The following MIER3 variants were observed in gnomAD, a reference collection of about 807,000 sequenced individuals.
The protein encoded by MIER3 is MIER family member 3, also known as mesoderm induction early response protein 3.
A neutral mutation model predicts 63.2 loss-of-function variants in MIER3; 9 were observed. The ratio of observed to expected loss-of-function variants is 0.14; its 90% CI spans 0.09 to 0.25. MIER3 has a LOEUF of 0.25. MIER3 is among the 10% of genes least tolerant of loss of function. The probability of loss-of-function intolerance (pLI) is 1.00; values close to 1 mark genes in which losing one functional copy is unlikely to be tolerated. For synonymous variants in MIER3, 205 were observed against 224.9 expected (o/e 0.91, Z 0.79); for missense variants, 512 against 666.2 (o/e 0.77, Z 2.55).
chr5:56,943,065 A>C (rs1162785916), intron 3 of MIER3, among the ~76,000 whole-genome samples: 1 of 152,134 alleles, frequency 6.6e-6, no homozygotes, highest in African/African-American at 2.4e-5. Context: ...AAAACTGCTT[A>C]AGCCCAGGAG....
Position 56,923,060 on chromosome 5 carries a change from A to G in MIER3, c.*68T>C. 1 of 1,368,900 alleles carries G rather than the reference A, an allele frequency of 7.3e-7. No homozygotes were observed. Among genetic ancestry groups the G allele is most frequent in the Non-Finnish European group, 1.0e-6 (1 of 983,456 alleles). 84.8% of individuals were successfully genotyped at this position (1,368,900 alleles called of 1,614,324 possible). ...AGGTTCAAACTTCCAGTGAAAGACT[A>G]TGCAAACCTGATAGCTCCCCTCAAG... is the stretch of plus-strand genomic sequence containing the variant. On this transcript the variant is annotated 3_prime_UTR_variant, in exon 13 of 13. Coordinates refer to ENST00000381199, the MANE Select transcript of MIER3 (RefSeq NM_001297599.2).
rs1749624279 is a variant in MIER3 at position 56,920,573 on chromosome 5, A to G, written c.*2555T>C. On this transcript the variant is annotated 3_prime_UTR_variant, in exon 13 of 13. Coordinates refer to ENST00000381199, the MANE Select transcript of MIER3 (RefSeq NM_001297599.2). ...GGTTGTTTTCTTGCTTCCAAATGCA[A>G]TTCTTTTAATAAACAGTAACAAATT... The G allele has an allele frequency of 6.6e-6, 1 of 152,566 alleles. No homozygotes were observed. The highest frequency in any genetic ancestry group is 2.1e-4 in the South Asian group (1 of 4,836). 9.5% of individuals were successfully genotyped at this position (152,566 alleles called of 1,614,324 possible).
intron 1 of MIER3, among the ~76,000 whole-genome samples, chr5:56,951,289 G>A (rs1751017341): frequency 6.6e-6 from 1 of 151,950 alleles, no homozygotes; most frequent in African/African-American, 2.4e-5. Context: ...GACCGTCAGC[G>A]CGCCCCCCGC....
In MIER3 at chr5:56,947,695, A is replaced by G. The variant is rs1750873101; in HGVS notation, c.35-624T>C. Among the ~76,000 whole-genome samples, 5 of 152,218 alleles carry G rather than the reference A, an allele frequency of 3.3e-5. No homozygotes were observed. The South Asian group carries it at 8.3e-4, about 25-fold the overall frequency. On this transcript the variant is annotated intron_variant, in intron 2 of 12. Coordinates refer to ENST00000381199, the MANE Select transcript of MIER3 (RefSeq NM_001297599.2). ...CTAGCATTAATCAGACAAGCATTAA[A>G]CTGTAAGACTTTGCTTTACTTTGGA...
At chr5:56,942,660 C>A (rs1056188635) in intron 3 of MIER3, among the ~76,000 whole-genome samples, 1 of 151,806 alleles carries the variant, frequency 6.6e-6, no homozygotes, top group Admixed American at 6.6e-5. Context: ...AATTAAAATG[C>A]GGGCAAAGAA....
At chr5:56,929,180 A>T (rs567124089) in intron 9 of MIER3, 26 of 192,166 alleles carry the variant, frequency 1.4e-4, no homozygotes, top group East Asian at 5.8e-4. Context: ...ATTAAAAAAA[A>T]TTTTTTTAAA....
At chr5:56,947,171 A>G in intron 2 of MIER3, 100 bp from the exon 3 acceptor site, 3 of 1,179,446 alleles carry the variant, frequency 2.5e-6, no homozygotes, top group South Asian at 1.6e-5. Context: ...TCATGTTTAT[A>G]TGAGGGTTTT....
At chr5:56,947,302 T>TA in intron 2 of MIER3, 1 of 414,206 alleles carries the variant, frequency 2.4e-6, no homozygotes, top group Non-Finnish European at 4.2e-6. Flanking sequence ...ATAAGGGGTT[T>TA]AGTCCACAAG....
chr5:56,920,623 A>AG lies in MIER3; in HGVS notation c.*2504dup, dbSNP rs1173998088. 1.3e-5 allele frequency: 2 copies of AG among 152,400 alleles called. No individual in the cohort carries two copies. The highest frequency in any genetic ancestry group is 4.8e-5 in the African/African-American group (2 of 41,408). The allele number at this position is 152,400 out of a possible 1,614,324, so 9.4% of individuals were successfully genotyped here. Reference sequence around the variant, plus strand: ...TCTCTGTTAAGATGTTTAAACTGAGAGAAAAAAAAAACCCAGTAAATCCAG... The same window carrying AG: ...TCTCTGTTAAGATGTTTAAACTGAGAGGAAAAAAAAAACCCAGTAAATCCAG... On this transcript the variant is annotated 3_prime_UTR_variant, in exon 13 of 13. Transcript: ENST00000381199.
In MIER3 at chr5:56,928,932, G is replaced by T. The variant is rs73757505; in HGVS notation, c.830-71C>A. On this transcript the variant is annotated intron_variant, in intron 9 of 12. Transcript: ENST00000381199. ...TATGTGAATCACTGATTTTCAGTAT[G>T]TTTTCCCTGTAAAAGGTCACAAACT... The T allele has an allele frequency of 5.1e-3, 5,300 of 1,032,538 alleles. 190 individuals are homozygous for T. The African/African-American group carries it at 0.076, about 15-fold the overall frequency. The allele number at this position is 1,032,538 out of a possible 1,614,324, so 64.0% of individuals were successfully genotyped here.
Position 56,947,068 on chromosome 5 carries a change from C to T in MIER3, c.38G>A (p.Gly13Glu). 6.2e-7 allele frequency: 1 copy of T among 1,603,552 alleles called. No individual in the cohort carries two copies. The highest frequency in any genetic ancestry group is 8.5e-7 in the Non-Finnish European group (1 of 1,176,944). ...ATCATGATCCTCAGAAGACAAAGAC[C>T]CAACTGGAATAAAACAAACTGAATC... ...EASFGSSSPV[G>E]SLSSEDHDFD... Residue 13 changes from glycine to glutamate, a missense_variant, in exon 3 of 13, where the codon GGG becomes GAG. Gly to Glu is a moderately conservative substitution (Grantham distance 98). Transcript: ENST00000381199.
chr5:56,939,149 T>C (rs1750554484), intron 3 of MIER3, 132 bp from the exon 4 acceptor site: 5 of 976,138 alleles, frequency 5.1e-6, no homozygotes, highest in African/African-American at 4.9e-5. Context: ...AGTTTCAGTT[T>C]TTCTTTTTGT....
At chr5:56,939,862 ATAT>A (rs1750580448) in intron 3 of MIER3, among the ~76,000 whole-genome samples, 1 of 152,250 alleles carries the variant, frequency 6.6e-6, no homozygotes, top group Non-Finnish European at 1.5e-5. Context: ...GGTAGGAATA[ATAT>A]GCTACACCAT....
intron 9 of MIER3, among the ~76,000 whole-genome samples, chr5:56,929,856 T>C (rs1750196016): frequency 6.6e-6 from 1 of 152,186 alleles, no homozygotes; most frequent in South Asian, 2.1e-4. Context: ...GTGTCTCATT[T>C]GACATGGGAG....
At chr5:56,925,369 C>T (rs114930085) in intron 10 of MIER3, 1 of 451,896 alleles carries the variant, frequency 2.2e-6, no homozygotes, top group Non-Finnish European at 4.4e-6. Flanking sequence ...TCCAAAGAAT[C>T]AACAAAAAAT....
rs1459552772 is a variant in MIER3, at chr5:56,925,535, GTATAAA to G, written c.925-1499_925-1494del. The G allele has an allele frequency of 1.3e-5, 3 of 225,132 alleles. No individual in the cohort carries two copies. The Admixed American group carries it at 1.7e-4, about 13-fold the overall frequency. 13.9% of individuals were successfully genotyped at this position (225,132 alleles called of 1,614,324 possible). On this transcript the variant is annotated intron_variant, in intron 10 of 12. Transcript: ENST00000381199. Reference sequence around the variant, plus strand: ...AGCACCCCAAAATTAAAATACTTGGGTATAAATATAACAAAATATATGCAAAATCTG... The same window carrying G: ...AGCACCCCAAAATTAAAATACTTGGGTATAACAAAATATATGCAAAATCTG...
chr5:56,951,796 G>C (rs1052671080), intron 1 of MIER3, among the ~76,000 whole-genome samples: 52 of 151,430 alleles, frequency 3.4e-4, no homozygotes, highest in African/African-American at 1.2e-3. Flanking sequence ...GCACTGCCTC[G>C]TCCCTGGGGC....
Position 56,937,689 on chromosome 5 carries a change from C to T in MIER3, c.325G>A (p.Ala109Thr), listed in dbSNP as rs777367812. ...PDMTLDKEEI[A>T]KDLLSGDDEE... ...TCATCACCTGACAACAGGTCTTTTG[C>T]TATTTCCTCCTGGAAGAATAAGAAG... The change falls in exon 5 of 13, where the codon GCA becomes ACA. Residue 109 changes from alanine (A) to threonine (T), a missense_variant. Physicochemically the swap from Ala to Thr is moderately conservative, Grantham distance 58. Transcript: ENST00000381199. 2 of 1,606,026 alleles carry T rather than the reference C, an allele frequency of 1.2e-6. No individual in the cohort carries two copies. The highest frequency in any genetic ancestry group is 2.2e-5 in the East Asian group (1 of 44,498).
chr5:56,938,221 T>C (rs1271045365), intron 4 of MIER3: 3 of 470,234 alleles, frequency 6.4e-6, no homozygotes, highest in Non-Finnish European at 1.3e-5. Context: ...AAATACTTGT[T>C]GAATGACTAT....
Sources: gnomAD v4.1 joint callset for allele counts (sites outside exome capture counted in the v4.1 genomes callset) on GRCh38, gnomAD v4.1.1 for gene constraint, MANE v1.5 for transcripts, NCBI Gene and HGNC (gene_info 2026-07-23, HGNC 2026-07-21) for gene names.